Variants in CYP39A1 observed in about 807,000 individuals in gnomAD.
CYP39A1 encodes 24-hydroxycholesterol 7-alpha-hydroxylase.
Under a neutral mutation model 58.1 loss-of-function variants are expected in CYP39A1, and 49 were observed. The ratio of observed to expected loss-of-function variants is 0.84; its 90% CI spans 0.67 to 1.07. The LOEUF (loss-of-function observed/expected upper bound fraction) is 1.07. CYP39A1 is among the 50% of genes least tolerant of loss of function. The pLI, the probability that CYP39A1 is intolerant of heterozygous loss-of-function variation, is 0.00. For synonymous variants in CYP39A1, 209 were observed against 187.6 expected (o/e 1.11, Z -0.93); for missense variants, 531 against 539.4 (o/e 0.98, Z 0.16).
intron 10 of CYP39A1, among the ~76,000 whole-genome samples, chr6:46,560,090 C>G (rs1388469808): frequency 6.6e-6 from 1 of 152,044 alleles, no homozygotes; most frequent in Non-Finnish European, 1.5e-5. Flanking sequence ...GACATTTTAT[C>G]AGACCCTAGA....
intron 11 of CYP39A1, 71 bp downstream of exon 11, chr6:46,553,696 T>C (rs1171880090): frequency 9.1e-6 from 9 of 989,526 alleles, no homozygotes; most frequent in Admixed American, 3.7e-5. Context: ...GTAATCAAAA[T>C]TGGGGGAAGT....
At chr6:46,632,494 C>G (rs1775724043) in intron 5 of CYP39A1, among the ~76,000 whole-genome samples, 1 of 151,216 alleles carries the variant, frequency 6.6e-6, no homozygotes, top group Non-Finnish European at 1.5e-5. Context: ...TTCAGGGGTA[C>G]AGTTCAGGTT....
intron 10 of CYP39A1, among the ~76,000 whole-genome samples, chr6:46,571,123 T>C (rs1771565461): frequency 6.6e-6 from 1 of 152,200 alleles, no homozygotes; most frequent in Non-Finnish European, 1.5e-5. Context: ...AAATTTTTTA[T>C]GGTCTACTAT....
intron 9 of CYP39A1, 103 bp downstream of exon 9, chr6:46,587,931 T>C (rs1772568938): frequency 4.9e-6 from 3 of 612,146 alleles, no homozygotes; most frequent in Non-Finnish European, 8.1e-6. Context: ...GAGAGAAATA[T>C]GGCTGCTTAA....
intron 10 of CYP39A1, among the ~76,000 whole-genome samples, chr6:46,567,956 T>A (rs189827341): frequency 2.2e-4 from 34 of 151,716 alleles, no homozygotes; most frequent in Admixed American, 2.0e-3. Flanking sequence ...TATGGTTAGG[T>A]CCATGCAGAT....
intron 8 of CYP39A1, among the ~76,000 whole-genome samples, chr6:46,595,196 G>C (rs1379173531): frequency 1.3e-5 from 2 of 151,996 alleles, no homozygotes; most frequent in East Asian, 3.9e-4. Flanking sequence ...GGGAACACTT[G>C]CACACTATCG....
At chr6:46,562,353 CA>C (rs796513812) in intron 10 of CYP39A1, among the ~76,000 whole-genome samples, 12 of 146,930 alleles carry the variant, frequency 8.2e-5, no homozygotes, top group Middle Eastern at 3.5e-3. Context: ...GTTCTCACCT[CA>C]AAAAAAAAAG....
At chr6:46,622,907 C>T (rs139309239) in intron 7 of CYP39A1, among the ~76,000 whole-genome samples, 2 of 152,292 alleles carry the variant, frequency 1.3e-5, no homozygotes, top group African/African-American at 4.8e-5. Flanking sequence ...CAAGAACTAA[C>T]TGCCTTTAGA....
rs1384058300 is a variant in CYP39A1, at chr6:46,574,547, T to A, written c.1250+12530A>T. ...AGCAGTTTTAATTCTAGTCCCCTTT[T>A]CTTAGGAATGAAATTTCTTTTGAAC... On this transcript the variant is annotated intron_variant, in intron 10 of 11. Transcript: ENST00000275016. 4.6e-5 allele frequency among the ~76,000 whole-genome samples: 7 copies of A among 152,316 alleles called. No homozygotes were observed. The East Asian group carries it at 1.4e-3, about 29-fold the overall frequency.
intron 3 of CYP39A1, among the ~76,000 whole-genome samples, chr6:46,639,170 T>C (rs868683925): frequency 6.6e-6 from 1 of 152,210 alleles, no homozygotes; most frequent in Non-Finnish European, 1.5e-5. Flanking sequence ...ATGAAAATTA[T>C]AAGAAGAAAA....
chr6:46,640,473 C>G (rs1253381938), intron 2 of CYP39A1, among the ~76,000 whole-genome samples: 1 of 152,180 alleles, frequency 6.6e-6, no homozygotes, highest in Non-Finnish European at 1.5e-5. Context: ...TTTGAGCCCA[C>G]TATTTTCTTT....
intron 3 of CYP39A1, 109 bp downstream of exon 3, chr6:46,639,385 G>C: frequency 9.4e-7 from 1 of 1,058,554 alleles, no homozygotes; most frequent in East Asian, 2.5e-5. Context: ...AGCCTAGTTA[G>C]GTAGATTTCA....
At chr6:46,600,042 C>G (rs763310807) in intron 7 of CYP39A1, among the ~76,000 whole-genome samples, 6 of 152,072 alleles carry the variant, frequency 3.9e-5, no homozygotes, top group Non-Finnish European at 8.8e-5. Context: ...CTCCTAAAAC[C>G]TTTGCAATTT....
At chr6:46,562,487 G>T (rs1771034071) in intron 10 of CYP39A1, among the ~76,000 whole-genome samples, 1 of 151,784 alleles carries the variant, frequency 6.6e-6, no homozygotes, top group African/African-American at 2.4e-5. Flanking sequence ...CATTTTAAAG[G>T]CCAGGCATGG....
intron 1 of CYP39A1, among the ~76,000 whole-genome samples, chr6:46,642,668 C>T (rs904921864): frequency 1.3e-5 from 2 of 152,080 alleles, no homozygotes; most frequent in Non-Finnish European, 2.9e-5. Flanking sequence ...GAATATTGTT[C>T]AACAAAAAGG....
At chr6:46,603,308 T>C (rs1320710972) in intron 7 of CYP39A1, among the ~76,000 whole-genome samples, 1 of 152,220 alleles carries the variant, frequency 6.6e-6, no homozygotes, top group African/African-American at 2.4e-5. Context: ...TAGCTACAGA[T>C]AGAAGGCCAG....
chr6:46,636,354 TTTACA>T, intron 5 of CYP39A1, 30 bp downstream of exon 5: 3 of 1,440,076 alleles, frequency 2.1e-6, no homozygotes, highest in Non-Finnish European at 2.9e-6. Flanking sequence ...TATTACTATC[TTTACA>T]TTAGCAAAAG....
At chr6:46,630,120 A>T (rs534450239) in intron 6 of CYP39A1, among the ~76,000 whole-genome samples, 1 of 147,750 alleles carries the variant, frequency 6.8e-6, no homozygotes, top group East Asian at 1.9e-4. Flanking sequence ...AAACAAAACA[A>T]CAACAACAAC....
In CYP39A1 at chr6:46,636,422, T is replaced by C. The variant is rs760958539; in HGVS notation, c.699A>G (p.Ile233Met). 4.3e-6 allele frequency: 7 copies of C among 1,610,108 alleles called. 1 individual carries two copies. The South Asian group carries it at 5.6e-5, about 13-fold the overall frequency. Reference protein sequence around the residue: ...LELFEKNIPDIKACKSAKDNS... With the variant: ...LELFEKNIPDMKACKSAKDNS... ...TATCTTTTGCAGATTTACATGCTTT[T>C]ATATCTGGAATGTTTTTCTCAAACA... The change falls in exon 5 of 12, where the codon ATA becomes ATG. Residue 233 changes from isoleucine (I) to methionine (M), a missense_variant. Transcript: ENST00000275016.
Sources: allele counts gnomAD v4.1 joint callset (sites outside exome capture counted in the v4.1 genomes callset), GRCh38; gene constraint gnomAD v4.1.1; transcripts MANE v1.5; gene names NCBI Gene and HGNC (gene_info 2026-07-23, HGNC 2026-07-21).